Variants in KCNT1 observed in about 807,000 individuals in gnomAD.
KCNT1 encodes potassium channel subfamily T member 1.
KCNT1 carries 78 observed loss-of-function variants against 147.8 expected under a neutral mutation model. That is an observed-to-expected ratio of 0.53 (90% CI 0.44 to 0.64). KCNT1 has a LOEUF of 0.64. Ranked by LOEUF, KCNT1 falls within the 30% of genes least tolerant of loss-of-function variation. The probability of loss-of-function intolerance (pLI) is 0.00; values close to 1 mark genes in which losing one functional copy is unlikely to be tolerated. For synonymous variants in KCNT1, 867 were observed against 748.8 expected (o/e 1.16, Z -2.58); for missense variants, 1,419 against 1,750.3 (o/e 0.81, Z 3.38).
intron 6 of KCNT1, among the ~76,000 whole-genome samples, chr9:135,755,750 G>T (rs1050319216): frequency 6.6e-6 from 1 of 150,658 alleles, no homozygotes; most frequent in Admixed American, 6.6e-5. Context: ...GTAAACAGGT[G>T]ACTCAGGGTC....
At position 135,777,530 on chromosome 9, in the gene KCNT1, G is replaced by GGCCCCCCCCCCCCCCCCCC; in HGVS notation, c.2522+20_2522+21insGCCCCCCCCCCCCCCCCCC. 1 of 1,588,550 alleles carries GGCCCCCCCCCCCCCCCCCC rather than the reference G, an allele frequency of 6.3e-7. No homozygotes were observed. Reference sequence around the variant, plus strand: ...CAACAAGTGAGGCTCCTGGGGCTCAGCCCACCCCGCCCACCCGGGCCCTCA... The same window carrying GGCCCCCCCCCCCCCCCCCC: ...CAACAAGTGAGGCTCCTGGGGCTCAGGCCCCCCCCCCCCCCCCCCCCCACCCCGCCCACCCGGGCCCTCA... On this transcript the variant is annotated intron_variant, in intron 21 of 30. Transcript: ENST00000371757.
rs1349818571 is a variant in KCNT1, at chr9:135,702,241, T to C, written c.-18T>C. Reference sequence around the variant, plus strand: ...CCACTCGCTTCTCCCTCGGGTCGGGTCCGAGCTGCCAGGCCGCATGCCACT... The same window carrying C: ...CCACTCGCTTCTCCCTCGGGTCGGGCCCGAGCTGCCAGGCCGCATGCCACT... On this transcript the variant is annotated 5_prime_UTR_variant, in exon 1 of 31. Transcript: ENST00000371757. 6.3e-7 allele frequency: 1 copy of C among 1,590,394 alleles called. No homozygotes were observed. Among genetic ancestry groups the C allele is most frequent in the South Asian group, 1.1e-5 (1 of 90,608 alleles).
rs372319277 is a variant in KCNT1 at position 135,725,957 on chromosome 9, G to A, written c.254+11237G>A. Among the ~76,000 whole-genome samples the A allele has an allele frequency of 1.3e-3, 191 of 152,276 alleles. 2 individuals carry two copies. Among genetic ancestry groups the A allele is most frequent in the African/African-American group, 4.3e-3 (178 of 41,574 alleles). On this transcript the variant is annotated intron_variant, in intron 2 of 30. Transcript: ENST00000371757. ...GATAGGGGTCTGGGGAGGAAGAGGG[G>A]TTGGTGGGCAGCAGCCTCCCCGGCC...
chr9:135,731,708 CA>C (rs1285663223), intron 2 of KCNT1, among the ~76,000 whole-genome samples: 1 of 151,800 alleles, frequency 6.6e-6, no homozygotes, highest in Non-Finnish European at 1.5e-5. Context: ...AGAACTTGAT[CA>C]GCATGGGACC....
intron 5 of KCNT1, 34 bp downstream of exon 5, chr9:135,754,027 G>A (rs763790660): frequency 1.4e-5 from 23 of 1,593,234 alleles, no homozygotes; most frequent in African/African-American, 2.7e-5. Context: ...ATAGCCAGGC[G>A]CTCAGAGGCC....
rs530000287 is a variant in KCNT1 at position 135,739,086 on chromosome 9, A to G, written c.255-11012A>G. On this transcript the variant is annotated intron_variant, in intron 2 of 30. Coordinates refer to ENST00000371757, the MANE Select transcript of KCNT1 (RefSeq NM_020822.3). ...CATGCCTGACTTAAGGCACCAACAC[A>G]GCCCCCTCCCCACATCCTCTCCGGG... Among the ~76,000 whole-genome samples the G allele has an allele frequency of 2.6e-5, 4 of 151,984 alleles. No homozygotes were observed. In the East Asian group the frequency reaches 7.8e-4, roughly 30 times the overall value.
chr9:135,774,245 C>T (rs1387247102), intron 19 of KCNT1, among the ~76,000 whole-genome samples: 1 of 118,332 alleles, frequency 8.5e-6, no homozygotes, highest in Non-Finnish European at 1.7e-5. Context: ...TGGTGTGTGT[C>T]CGTGTGTGGT....
rs776201547 is a variant in KCNT1 at position 135,731,960 on chromosome 9, GTATA to G, written c.254+17269_254+17272del. Among the ~76,000 whole-genome samples, 214 of 41,320 alleles carry G rather than the reference GTATA, an allele frequency of 5.2e-3. 1 individual carries two copies. Among genetic ancestry groups the G allele is most frequent in the Admixed American group, 9.1e-3 (26 of 2,856 alleles). 27.1% of individuals were successfully genotyped at this position (41,320 alleles called of 152,430 possible). ...ATCTAAATACTTTTCAAATATGCGT[GTATA>G]TATATATATATATATATATATATAT... On this transcript the variant is annotated intron_variant, in intron 2 of 30. Transcript: ENST00000371757.
intron 1 of KCNT1, among the ~76,000 whole-genome samples, chr9:135,704,360 C>CGTGG (rs1237517192): frequency 2.0e-5 from 3 of 152,254 alleles, no homozygotes; most frequent in African/African-American, 7.2e-5. Flanking sequence ...CCCCCAGCTC[C>CGTGG]ACGCTAGTGG....
At chr9:135,708,548 C>CT (rs1024478742) in intron 1 of KCNT1, among the ~76,000 whole-genome samples, 5 of 152,102 alleles carry the variant, frequency 3.3e-5, no homozygotes, top group African/African-American at 9.7e-5. Context: ...CAGTCACAAT[C>CT]TTTTTTTGTT....
chr9:135,741,743 C>T (rs1372607590), intron 2 of KCNT1, among the ~76,000 whole-genome samples: 7 of 152,258 alleles, frequency 4.6e-5, no homozygotes, highest in Middle Eastern at 3.2e-3. Context: ...CCCAGGCTGG[C>T]TTCCTCCTTC....
intron 2 of KCNT1, among the ~76,000 whole-genome samples, chr9:135,727,388 CCTCT>C (rs1436168444): frequency 8.0e-6 from 1 of 124,750 alleles, no homozygotes; most frequent in Admixed American, 7.8e-5. Context: ...CCTCTCTCTC[CCTCT>C]CTCTCCCACT....
intron 2 of KCNT1, among the ~76,000 whole-genome samples, chr9:135,749,895 G>GGCTGGGTCGGCTGTCT (rs1831050622): frequency 6.6e-6 from 1 of 152,152 alleles, no homozygotes; most frequent in Non-Finnish European, 1.5e-5. Flanking sequence ...GAGGAGCCGA[G>GGCTGGGTCGGCTGTCT]GCTGGGTCGG....
At chr9:135,713,155 G>T (rs1835572721) in intron 1 of KCNT1, among the ~76,000 whole-genome samples, 1 of 152,220 alleles carries the variant, frequency 6.6e-6, no homozygotes, top group Non-Finnish European at 1.5e-5. Flanking sequence ...TTTTGCCATT[G>T]AAAGGGGCTT....
rs145228443 is a variant in KCNT1, at chr9:135,705,982, A to C, written c.110+3614A>C. 4.4e-3 allele frequency among the ~76,000 whole-genome samples: 670 copies of C among 152,230 alleles called. 3 individuals are homozygous for C. The highest frequency in any genetic ancestry group is 0.014 in the African/African-American group (572 of 41,544). ...ATCAGGAGATGGAGGGCATTGCAGGACCAGGGTCTGGACTGGCACAAGGCG... is the reference window on the plus strand; with the variant it reads ...ATCAGGAGATGGAGGGCATTGCAGGCCCAGGGTCTGGACTGGCACAAGGCG... On this transcript the variant is annotated intron_variant, in intron 1 of 30. Coordinates refer to ENST00000371757, the MANE Select transcript of KCNT1 (RefSeq NM_020822.3).
intron 18 of KCNT1, 43 bp from the exon 19 acceptor site, chr9:135,772,672 G>T (rs773663969): frequency 2.2e-5 from 30 of 1,334,090 alleles, no homozygotes; most frequent in Non-Finnish European, 2.7e-5. Flanking sequence ...CGCCCATGGA[G>T]GGTGGGAGTC....
intron 2 of KCNT1, among the ~76,000 whole-genome samples, chr9:135,732,024 A>AGAGAGAGAGAGAGAGGGAGGGAGG (rs1554766186): frequency 1.5e-5 from 1 of 65,084 alleles, no homozygotes; most frequent in Non-Finnish European, 3.2e-5. Flanking sequence ...AGAGAGAGAG[A>AGAGAGAGAGAGAGAGGGAGGGAGG]GAGAGAGAGA....
intron 2 of KCNT1, chr9:135,742,733 G>A (rs1299326680): frequency 1.4e-6 from 1 of 717,218 alleles, no homozygotes; most frequent in Non-Finnish European, 2.6e-6. Context: ...CTGTCCATCT[G>A]TCTCCCGCAT....
chr9:135,784,566 C>A lies in KCNT1; in HGVS notation c.2975C>A (p.Thr992Asn). 1 of 1,524,432 alleles carries A rather than the reference C, an allele frequency of 6.6e-7. No homozygotes were observed. Among genetic ancestry groups the A allele is most frequent in the Non-Finnish European group, 8.9e-7 (1 of 1,127,826 alleles). 94.4% of individuals were successfully genotyped at this position (1,524,432 alleles called of 1,614,324 possible). A position where few individuals can be genotyped will look rare whatever the true frequency, so the allele number is the denominator to read the frequency against. ...SFVKDYMITI[T>N]RLLLGLDTTP... ...GTGAAGGACTACATGATCACCATCA[C>A]CCGGCTGCTGCTGGGCCTGGACACC... Residue 992 changes from threonine to asparagine, a missense_variant, in exon 26 of 31, where the codon ACC becomes AAC. Coordinates refer to ENST00000371757, the MANE Select transcript of KCNT1 (RefSeq NM_020822.3).
Sources: gnomAD v4.1 joint callset for allele counts (sites outside exome capture counted in the v4.1 genomes callset) on GRCh38, gnomAD v4.1.1 for gene constraint, MANE v1.5 for transcripts, NCBI Gene and HGNC (gene_info 2026-07-23, HGNC 2026-07-21) for gene names.